The following PUDP variants were observed in gnomAD, a reference collection of about 807,000 sequenced individuals.
PUDP encodes the protein pseudouridine-5'-phosphatase.
PUDP carries 8 observed loss-of-function variants against 9.4 expected under a neutral mutation model. The ratio of observed to expected loss-of-function variants is 0.85; its 90% CI spans 0.50 to 1.53. The LOEUF (loss-of-function observed/expected upper bound fraction) is 1.53. PUDP is among the 40% of genes most tolerant of loss of function. The pLI is 0.00. For synonymous variants in PUDP, 99 were observed against 80.7 expected (o/e 1.23, Z -1.22); for missense variants, 188 against 189.7 (o/e 0.99, Z 0.05).
At chrX:7,038,859 C>T (rs1335189131) in intron 1 of PUDP, among the ~76,000 whole-genome samples, 1 of 112,084 alleles carries the variant, frequency 8.9e-6, no homozygotes, top group African/African-American at 3.2e-5. Flanking sequence ...GTTCTTTCCT[C>T]GGATTGTTCC....
At chrX:7,126,019 A>G (rs1014407619) in intron 1 of PUDP, among the ~76,000 whole-genome samples, 2 of 111,126 alleles carry the variant, frequency 1.8e-5, no homozygotes, top group Non-Finnish European at 3.8e-5. Context: ...ACCACCAGGG[A>G]TATATGCATA....
intron 3 of PUDP, among the ~76,000 whole-genome samples, chrX:7,058,700 C>T (rs1250397992): frequency 8.9e-6 from 1 of 112,388 alleles, no homozygotes; most frequent in Non-Finnish European, 1.9e-5. Flanking sequence ...TTTGTTTAAA[C>T]ATGAAACTTT....
intron 3 of PUDP, among the ~76,000 whole-genome samples, chrX:6,854,029 G>A (rs745531087): frequency 9.0e-6 from 1 of 111,702 alleles, no homozygotes; most frequent in South Asian, 3.8e-4. Context: ...CTACTAACGT[G>A]CTGGGATTAT....
intron 1 of PUDP, among the ~76,000 whole-genome samples, chrX:7,036,978 C>T (rs779544472): frequency 2.7e-5 from 3 of 111,894 alleles, no homozygotes; most frequent in African/African-American, 9.7e-5. Flanking sequence ...TTTTTGGCTG[C>T]GTTGTGGTAT....
intron 3 of PUDP, among the ~76,000 whole-genome samples, chrX:6,803,048 TATAAAATAAAATATAAA>T (rs1476468406): frequency 1.3e-3 from 9 of 7,078 alleles, no homozygotes; most frequent in African/African-American, 4.7e-3. Context: ...TAAAATAAAA[TATAAAATAAAATATAAA>T]ATAAAATAAA....
chrX:6,752,370 A>C (rs1219726190), intron 3 of PUDP, among the ~76,000 whole-genome samples: 7 of 111,288 alleles, frequency 6.3e-5, no homozygotes, highest in African/African-American at 1.3e-4. Context: ...CACAGATTCT[A>C]TGTCCTATGG....
rs1312683879 is a variant in PUDP at position 7,105,531 on chromosome X, G to T, written c.280+89C>A. 4.7e-6 allele frequency: 3 copies of T among 640,709 alleles called. No individual in the cohort carries two copies. The Admixed American group carries it at 1.2e-4, about 26-fold the overall frequency. 52.8% of individuals were successfully genotyped at this position (640,709 alleles called of 1,213,427 possible). On this transcript the variant is annotated intron_variant, in intron 2 of 3. Transcript: ENST00000381077. ...TACTGAAGAAAAGAGGACAAACTAA[G>T]CATGCCCTATGCTAGACTTTAAAGG...
intron 1 of PUDP, among the ~76,000 whole-genome samples, chrX:7,123,446 T>C (rs1458250415): frequency 9.0e-6 from 1 of 111,334 alleles, no homozygotes; most frequent in African/African-American, 3.3e-5. Flanking sequence ...ATATCTAAAG[T>C]TAAAAAAGGC....
downstream of PUDP, among the ~76,000 whole-genome samples, chrX:7,044,205 G>C (rs1482437872): frequency 8.9e-6 from 1 of 112,586 alleles, no homozygotes; most frequent in African/African-American, 3.2e-5. Flanking sequence ...ATGCCTAGAT[G>C]AGCAGAAGCA....
chrX:7,140,730 C>G (rs1932786794), intron 1 of PUDP, among the ~76,000 whole-genome samples: 1 of 111,681 alleles, frequency 9.0e-6, no homozygotes, highest in Admixed American at 9.5e-5. Flanking sequence ...ACAGGCATAT[C>G]TTATTTTATT....
At chrX:6,978,775 C>A (rs1396916478) in intron 1 of PUDP, among the ~76,000 whole-genome samples, 1 of 112,380 alleles carries the variant, frequency 8.9e-6, no homozygotes, top group Non-Finnish European at 1.9e-5. Flanking sequence ...AATGGGAAGA[C>A]TGTTGGTGCA....
At chrX:6,788,249 C>T (rs895985244) in intron 3 of PUDP, among the ~76,000 whole-genome samples, 8 of 112,130 alleles carry the variant, frequency 7.1e-5, no homozygotes, top group African/African-American at 2.3e-4. Flanking sequence ...ATAAAATAAG[C>T]TTTGTGCTAG....
chrX:6,984,154 T>A (rs929097518), intron 1 of PUDP, among the ~76,000 whole-genome samples: 1 of 112,178 alleles, frequency 8.9e-6, no homozygotes, highest in East Asian at 2.8e-4. Flanking sequence ...TTTGCAAAGG[T>A]GGTTTCAGTC....
intron 3 of PUDP, among the ~76,000 whole-genome samples, chrX:6,967,436 G>A (rs1928803996): frequency 1.8e-5 from 2 of 111,884 alleles, no homozygotes; most frequent in Admixed American, 1.9e-4. Flanking sequence ...GGATCCAAGA[G>A]AATACAGCTC....
intron 3 of PUDP, among the ~76,000 whole-genome samples, chrX:6,866,888 C>A (rs1476816838): frequency 1.8e-5 from 2 of 111,316 alleles, no homozygotes; most frequent in Non-Finnish European, 3.8e-5. Context: ...CGGGACATCA[C>A]CCAACTTGCT....
At chrX:7,103,637 T>C (rs1931800907) in intron 2 of PUDP, among the ~76,000 whole-genome samples, 1 of 111,767 alleles carries the variant, frequency 8.9e-6, no homozygotes, top group African/African-American at 3.3e-5. Flanking sequence ...TGGGAGAAAA[T>C]GGTCATAAGT....
At chrX:6,774,998 A>G (rs1462139136) in intron 3 of PUDP, among the ~76,000 whole-genome samples, 2 of 112,300 alleles carry the variant, frequency 1.8e-5, no homozygotes, top group Admixed American at 9.5e-5. Context: ...TAACTGTTTT[A>G]GAGTGTACAA....
intron 3 of PUDP, among the ~76,000 whole-genome samples, chrX:6,767,490 C>T (rs906413860): frequency 8.9e-6 from 1 of 112,539 alleles, no homozygotes; most frequent in Non-Finnish European, 1.9e-5. Context: ...AATAAAAACA[C>T]ATTTTAATGG....
chrX:6,757,036 T>C lies in PUDP; in HGVS notation c.*248-50570A>G, dbSNP rs1334995408. 8.0e-5 allele frequency among the ~76,000 whole-genome samples: 9 copies of C among 112,050 alleles called. No homozygotes were observed. The Admixed American group carries it at 8.5e-4, about 11-fold the overall frequency. On this transcript the variant is annotated intron_variant and NMD_transcript_variant, in intron 3 of 3. Transcript: ENST00000655425. The stretch of plus-strand genomic sequence containing the variant: ...CCTATGTTCCCTCCGAAGTAGAGAA[T>C]AGATTATCCTGAGAGCAGAGCAGAG...
Sources: gnomAD v4.1 joint callset for allele counts (sites outside exome capture counted in the v4.1 genomes callset) on GRCh38, gnomAD v4.1.1 for gene constraint, MANE v1.5 for transcripts, NCBI Gene and HGNC (gene_info 2026-07-23, HGNC 2026-07-21) for gene names.